Variants in EYS observed in about 807,000 individuals in gnomAD.
EYS encodes protein eyes shut homolog.
Under a neutral mutation model 282.1 loss-of-function variants are expected in EYS, and 250 were observed. The observed-to-expected ratio is 0.89, with a 90% CI of 0.80 to 0.98. The LOEUF is 0.98. Ranked by LOEUF, EYS falls within the 50% of genes least tolerant of loss-of-function variation. The pLI, the probability that EYS is intolerant of heterozygous loss-of-function variation, is 0.00. For missense variants in EYS, 4,016 were observed against 3,709.0 expected (o/e 1.08, Z -2.15); for synonymous variants, 1,355 against 1,282.9 (o/e 1.06, Z -1.20).
intron 2 of EYS, among the ~76,000 whole-genome samples, chr6:65,512,523 A>G (rs1225815797): frequency 1.3e-5 from 2 of 151,744 alleles, no homozygotes; most frequent in East Asian, 1.9e-4. Flanking sequence ...ATTACATTGT[A>G]AAGTAATTTT....
At chr6:65,162,911 T>TGTGTGTGTGTGTG (rs1764885015) in intron 12 of EYS, among the ~76,000 whole-genome samples, 1 of 147,288 alleles carries the variant, frequency 6.8e-6, no homozygotes, top group Non-Finnish European at 1.5e-5. Context: ...CCTGTTCTGT[T>TGTGTGTGTGTGTG]TGTGTGTGTG....
intron 22 of EYS, among the ~76,000 whole-genome samples, chr6:64,796,053 TG>T (rs1290351208): frequency 6.6e-6 from 1 of 152,188 alleles, no homozygotes; most frequent in African/African-American, 2.4e-5. Flanking sequence ...GAAACTAAGT[TG>T]ATTAAAAACT....
At chr6:64,956,806 A>G (rs928087490) in intron 14 of EYS, among the ~76,000 whole-genome samples, 35 of 152,340 alleles carry the variant, frequency 2.3e-4, no homozygotes, top group African/African-American at 8.4e-4. Context: ...AAAAGAAGAC[A>G]CACAAATGGC....
At chr6:63,885,222 T>C (rs1181478676) in intron 35 of EYS, among the ~76,000 whole-genome samples, 1 of 152,196 alleles carries the variant, frequency 6.6e-6, no homozygotes, top group Admixed American at 6.5e-5. Context: ...AGCATTAGGG[T>C]AGATCCCAAT....
intron 31 of EYS, among the ~76,000 whole-genome samples, chr6:64,116,170 C>T (rs577589791): frequency 6.6e-6 from 1 of 151,996 alleles, no homozygotes; most frequent in Non-Finnish European, 1.5e-5. Context: ...AGAAGAAAGA[C>T]TTGACTTCTG....
Position 63,957,598 on chromosome 6 carries a change from T to C in EYS, c.7055+26785A>G, listed in dbSNP as rs141529817. On this transcript the variant is annotated intron_variant, in intron 35 of 42. Transcript: ENST00000503581. ...GCTATGCTGAAAGCTATTTCTCGTA[T>C]TCAGTGAATTAAATTCTTTATTCAA... is the stretch of plus-strand genomic sequence containing the variant. Among the ~76,000 whole-genome samples the C allele has an allele frequency of 3.3e-3, 461 of 141,396 alleles. 26 individuals are homozygous for C. The highest frequency in any genetic ancestry group is 9.8e-3 in the African/African-American group (405 of 41,180). 92.8% of individuals were successfully genotyped at this position (141,396 alleles called of 152,430 possible). A position where few individuals can be genotyped will look rare whatever the true frequency, so the allele number is the denominator to read the frequency against.
chr6:65,681,163 A>T (rs1768798709), intron 1 of EYS, among the ~76,000 whole-genome samples: 1 of 150,920 alleles, frequency 6.6e-6, no homozygotes, highest in South Asian at 2.1e-4. Context: ...CAAATGAGCC[A>T]CAGGTTGAAG....
intron 12 of EYS, among the ~76,000 whole-genome samples, chr6:65,248,392 A>T (rs1207924274): frequency 6.6e-6 from 1 of 152,058 alleles, no homozygotes; most frequent in Non-Finnish European, 1.5e-5. Flanking sequence ...GGAAGAGGAG[A>T]TGGGGGTGCA....
intron 12 of EYS, among the ~76,000 whole-genome samples, chr6:65,104,372 A>G (rs909601456): frequency 6.6e-6 from 1 of 151,458 alleles, no homozygotes; most frequent in Non-Finnish European, 1.5e-5. Flanking sequence ...TTTAATTTAC[A>G]TCTTTCACAT....
chr6:63,999,985 A>G (rs1321364926), intron 33 of EYS, among the ~76,000 whole-genome samples: 3 of 152,056 alleles, frequency 2.0e-5, no homozygotes, highest in Non-Finnish European at 4.4e-5. Context: ...GGACAATACA[A>G]ATATGTTCGC....
At chr6:65,690,321 C>T (rs545793978) in intron 1 of EYS, among the ~76,000 whole-genome samples, 5 of 149,944 alleles carry the variant, frequency 3.3e-5, no homozygotes, top group South Asian at 4.3e-4. Context: ...TATGCCTTAA[C>T]CCTAAACAGA....
chr6:63,943,612 A>G (rs1408037963), intron 35 of EYS, among the ~76,000 whole-genome samples: 1 of 152,224 alleles, frequency 6.6e-6, no homozygotes, highest in Non-Finnish European at 1.5e-5. Flanking sequence ...TTAAAACTAC[A>G]CACTAGACCA....
chr6:64,704,852 C>G (rs2149928235), intron 22 of EYS, among the ~76,000 whole-genome samples: 1 of 152,162 alleles, frequency 6.6e-6, no homozygotes, highest in South Asian at 2.1e-4. Context: ...CCATCTATCA[C>G]AAATCCACAG....
chr6:64,860,998 A>G (rs1486905761), intron 19 of EYS, among the ~76,000 whole-genome samples: 2 of 152,150 alleles, frequency 1.3e-5, no homozygotes, highest in African/African-American at 2.4e-5. Flanking sequence ...AAAAAGCACC[A>G]TGAGTTCCTG....
chr6:63,847,293 A>G (rs551278617), intron 36 of EYS, among the ~76,000 whole-genome samples: 109 of 152,324 alleles, frequency 7.2e-4, no homozygotes, highest in East Asian at 2.1e-3. Flanking sequence ...TTTTGGATAC[A>G]CTGGATAATC....
chr6:64,982,489 T>C (rs1770711834), intron 14 of EYS, among the ~76,000 whole-genome samples: 1 of 151,294 alleles, frequency 6.6e-6, no homozygotes, highest in South Asian at 2.1e-4. Context: ...ACATAATTTA[T>C]AAATTACATG....
At chr6:64,082,893 A>G (rs1446672162) in intron 31 of EYS, among the ~76,000 whole-genome samples, 1 of 150,828 alleles carries the variant, frequency 6.6e-6, no homozygotes, top group Non-Finnish European at 1.5e-5. Context: ...TTGGTAATAA[A>G]AAAAAGAAAA....
intron 26 of EYS, among the ~76,000 whole-genome samples, chr6:64,447,548 C>T (rs11968551): frequency 0.39 from 58,422 of 151,540 alleles, 11,866 homozygotes; most frequent in African/African-American, 0.53. Flanking sequence ...TTAATAGGTT[C>T]CCACAAATTC....
chr6:64,602,426 G>A (rs959359828), intron 24 of EYS, among the ~76,000 whole-genome samples: 1 of 152,004 alleles, frequency 6.6e-6, no homozygotes, highest in African/African-American at 2.4e-5. Flanking sequence ...GAGTTCAATA[G>A]GCACCAGTCT....
Sources: allele counts gnomAD v4.1 joint callset (sites outside exome capture counted in the v4.1 genomes callset), GRCh38; gene constraint gnomAD v4.1.1; transcripts MANE v1.5; gene names NCBI Gene and HGNC (gene_info 2026-07-23, HGNC 2026-07-21).